CELSR1: variants seen among roughly 807,000 people sequenced by gnomAD.
The protein encoded by CELSR1 is adhesion G protein-coupled receptor C1.
Under a neutral mutation model 249.1 loss-of-function variants are expected in CELSR1, and 110 were observed. The ratio of observed to expected loss-of-function variants is 0.44; its 90% CI spans 0.38 to 0.52. CELSR1 has a LOEUF of 0.52. Among genes scored for constraint, CELSR1 ranks in the 20% least tolerant of loss-of-function variants. The pLI is 0.00. For synonymous variants in CELSR1, 2,113 were observed against 1,900.0 expected (o/e 1.11, Z -2.92); for missense variants, 4,109 against 4,296.4 (o/e 0.96, Z 1.22).
rs751761231 is a variant in CELSR1 at position 46,390,444 on chromosome 22, G to C, written c.6293C>G (p.Pro2098Arg). ...GGTGGTACAGTTAAAGAGCTCTGGG[G>C]GCAGCCAGCCCTTCTCCCCGCTGCA... is the stretch of plus-strand genomic sequence containing the variant. ...RHCSGEKGWL[P>R]PELFNCTTIS... is the part of the protein sequence containing the mutation. Residue 2098 changes from proline to arginine, a missense_variant, in exon 17 of 35, where the codon CCC becomes CGC. Coordinates refer to ENST00000674500, the MANE Select transcript of CELSR1 (RefSeq NM_001378328.1). The surrounding 1 kb of genome is among the most constrained non-coding windows in gnomAD (Gnocchi z 6.3). 2.5e-6 allele frequency: 4 copies of C among 1,613,856 alleles called. No individual in the cohort carries two copies. The East Asian group carries it at 8.9e-5, about 36-fold the overall frequency.
chr22:46,531,351 G>A (rs1271218101), intron 1 of CELSR1, among the ~76,000 whole-genome samples: 5 of 152,116 alleles, frequency 3.3e-5, no homozygotes, highest in Admixed American at 3.3e-4. Context: ...GACTACAGGT[G>A]CTCGCCACCA....
At chr22:46,522,397 C>T (rs2080695336) in intron 1 of CELSR1, among the ~76,000 whole-genome samples, 1 of 152,134 alleles carries the variant, frequency 6.6e-6, no homozygotes, top group African/African-American at 2.4e-5. Context: ...AGGCTGGAGC[C>T]CCCACGCCTG....
At chr22:46,463,487 G>C (rs372588837) in intron 2 of CELSR1, among the ~76,000 whole-genome samples, 1 of 150,632 alleles carries the variant, frequency 6.6e-6, no homozygotes, top group East Asian at 2.0e-4. Flanking sequence ...CTGCACTCAA[G>C]CCTGGACAAT....
At chr22:46,418,959 G>A (rs141747114) in intron 5 of CELSR1, among the ~76,000 whole-genome samples, 193 of 152,342 alleles carry the variant, frequency 1.3e-3, no homozygotes, top group African/African-American at 4.4e-3. Flanking sequence ...AGTCCCCTGG[G>A]CATGCGTGTT....
chr22:46,385,776 C>CA (rs2079026054), intron 19 of CELSR1, among the ~76,000 whole-genome samples: 1 of 150,060 alleles, frequency 6.7e-6, no homozygotes, highest in Non-Finnish European at 1.5e-5. Flanking sequence ...TTCCCGGGTT[C>CA]ACGCCATTCT....
chr22:46,380,718 A>G lies in CELSR1; in HGVS notation c.7256+70T>C. ...GTCCTCTTGGGGCGCTCTGCCACTGAGCCCCCGACCCTGCGGGGGCACTCT... is the reference window on the plus strand; with the variant it reads ...GTCCTCTTGGGGCGCTCTGCCACTGGGCCCCCGACCCTGCGGGGGCACTCT... On this transcript the variant is annotated intron_variant, in intron 22 of 34. Coordinates refer to ENST00000674500, the MANE Select transcript of CELSR1 (RefSeq NM_001378328.1). This position sits in a 1 kb window ranked among gnomAD's most constrained non-coding sequence, Gnocchi z 5.1. 1 of 1,547,114 alleles carries G rather than the reference A, an allele frequency of 6.5e-7. No individual in the cohort carries two copies.
intron 1 of CELSR1, among the ~76,000 whole-genome samples, chr22:46,515,591 A>C (rs949776057): frequency 6.6e-6 from 1 of 152,188 alleles, no homozygotes; most frequent in Non-Finnish European, 1.5e-5. Context: ...GGTGGAGGAC[A>C]CAGCCAATAG....
Position 46,472,625 on chromosome 22 carries a change from C to A in CELSR1, c.3545-8280G>T, listed in dbSNP as rs775909223. 2.6e-5 allele frequency among the ~76,000 whole-genome samples: 4 copies of A among 152,230 alleles called. No homozygotes were observed. Among genetic ancestry groups the A allele is most frequent in the Admixed American group, 6.5e-5 (1 of 15,288 alleles). ...AGCAAGGCATGGGGACGGGTGGCATCAGCTCCCGGGGCCGTCGGAGCAAAG... is the reference window on the plus strand; with the variant it reads ...AGCAAGGCATGGGGACGGGTGGCATAAGCTCCCGGGGCCGTCGGAGCAAAG... On this transcript the variant is annotated intron_variant, in intron 1 of 34. Transcript: ENST00000674500. The surrounding 1 kb of genome is among the most constrained non-coding windows in gnomAD (Gnocchi z 7.0).
At position 46,442,076 on chromosome 22, in the gene CELSR1, C is replaced by G. The variant is rs573417997; in HGVS notation, c.4184-2665G>C. ...GGCAGGAGAATTGCTTAAATCTGGG[C>G]AGCCGAGGTTGCAGTGAGCCAAGAT... On this transcript the variant is annotated intron_variant, in intron 2 of 34. Coordinates refer to ENST00000674500, the MANE Select transcript of CELSR1 (RefSeq NM_001378328.1). Among the ~76,000 whole-genome samples the G allele has an allele frequency of 9.2e-5, 14 of 152,222 alleles. No individual in the cohort carries two copies. In the South Asian group the frequency reaches 2.9e-3, roughly 32 times the overall value.
At position 46,537,463 on chromosome 22, in the gene CELSR1, T is replaced by C. The variant is rs949267491; in HGVS notation, c.-293A>G. Among the ~76,000 whole-genome samples, 6 of 147,390 alleles carry C rather than the reference T, an allele frequency of 4.1e-5. No individual in the cohort carries two copies. Among genetic ancestry groups the C allele is most frequent in the Non-Finnish European group, 7.5e-5 (5 of 66,972 alleles). ...ATCAACCTGCGGCGGCGGCGGCGGC[T>C]CCAGGCGGCTCCAGGTGGCTCCGGC... On this transcript the variant is annotated 5_prime_UTR_variant, in exon 1 of 35. Coordinates refer to ENST00000674500, the MANE Select transcript of CELSR1 (RefSeq NM_001378328.1). This position sits in a 1 kb window ranked among gnomAD's most constrained non-coding sequence, Gnocchi z 5.8.
chr22:46,390,573 T>A lies in CELSR1; in HGVS notation c.6251-87A>T. ...TTTCAATCCACAATCTGAATATACT[T>A]AAACCCAGAACACTGCGTGGTGGTT... On this transcript the variant is annotated intron_variant, in intron 16 of 34. Coordinates refer to ENST00000674500, the MANE Select transcript of CELSR1 (RefSeq NM_001378328.1). This position sits in a 1 kb window ranked among gnomAD's most constrained non-coding sequence, Gnocchi z 6.3. 1 of 1,114,794 alleles carries A rather than the reference T, an allele frequency of 9.0e-7. No individual in the cohort carries two copies. Among genetic ancestry groups the A allele is most frequent in the Non-Finnish European group, 1.3e-6 (1 of 755,384 alleles). 69.1% of individuals were successfully genotyped at this position (1,114,794 alleles called of 1,614,324 possible).
chr22:46,489,287 G>C lies in CELSR1; in HGVS notation c.3545-24942C>G, dbSNP rs572866844. Among the ~76,000 whole-genome samples, 7 of 151,870 alleles carry C rather than the reference G, an allele frequency of 4.6e-5. No homozygotes were observed. In the South Asian group the frequency reaches 1.5e-3, roughly 32 times the overall value. ...GGGGCACCTTCCCCCTGGCTCAGTGGGGCAGGGAGATGCCATGCTCTCTGA... is the reference window on the plus strand; with the variant it reads ...GGGGCACCTTCCCCCTGGCTCAGTGCGGCAGGGAGATGCCATGCTCTCTGA... On this transcript the variant is annotated intron_variant, in intron 1 of 34. Coordinates refer to ENST00000674500, the MANE Select transcript of CELSR1 (RefSeq NM_001378328.1).
intron 1 of CELSR1, among the ~76,000 whole-genome samples, chr22:46,465,375 G>A (rs2080085394): frequency 6.6e-6 from 1 of 151,980 alleles, no homozygotes. Flanking sequence ...TTTCCATGGA[G>A]CGTGGGGCCC....
chr22:46,402,149 C>T lies in CELSR1; in HGVS notation c.5227-2247G>A, dbSNP rs948703779. Reference sequence around the variant, plus strand: ...AAGTGCTCTGGGAGGGAAAGTGCTCCTAGTGGTTGCCAGAAGCAAACATGG... The same window carrying T: ...AAGTGCTCTGGGAGGGAAAGTGCTCTTAGTGGTTGCCAGAAGCAAACATGG... On this transcript the variant is annotated intron_variant, in intron 9 of 34. Coordinates refer to ENST00000674500, the MANE Select transcript of CELSR1 (RefSeq NM_001378328.1). The surrounding 1 kb of genome is among the most constrained non-coding windows in gnomAD (Gnocchi z 5.0). 6.6e-6 allele frequency among the ~76,000 whole-genome samples: 1 copy of T among 152,094 alleles called. No homozygotes were observed. The highest frequency in any genetic ancestry group is 2.4e-5 in the African/African-American group (1 of 41,438).
chr22:46,435,978 CG>C (rs1290060046), intron 4 of CELSR1, among the ~76,000 whole-genome samples, 195 bp downstream of exon 4: 3 of 152,194 alleles, frequency 2.0e-5, no homozygotes, highest in African/African-American at 7.2e-5. Context: ...GGATTACAGG[CG>C]TGAGCCACCA....
At position 46,374,784 on chromosome 22, in the gene CELSR1, A is replaced by G. The variant is rs2078899664; in HGVS notation, c.7585-1727T>C. Among the ~76,000 whole-genome samples the G allele has an allele frequency of 6.6e-6, 1 of 152,256 alleles. No homozygotes were observed. The highest frequency in any genetic ancestry group is 2.4e-5 in the African/African-American group (1 of 41,504). The stretch of plus-strand genomic sequence containing the variant: ...AGAGCCTTCCCAGACCAATGCGCGG[A>G]TGAGAACGTGCCCATTGCGGGGATG... On this transcript the variant is annotated intron_variant, in intron 24 of 34. Coordinates refer to ENST00000674500, the MANE Select transcript of CELSR1 (RefSeq NM_001378328.1). The surrounding 1 kb of genome is among the most constrained non-coding windows in gnomAD (Gnocchi z 4.3).
chr22:46,493,532 C>G (rs958014824), intron 1 of CELSR1, among the ~76,000 whole-genome samples: 2 of 134,930 alleles, frequency 1.5e-5, no homozygotes, highest in Non-Finnish European at 3.1e-5. Flanking sequence ...GGTGACAGAA[C>G]GAGACTCCGT....
In CELSR1 at chr22:46,428,445, C is replaced by T. The variant is rs980605336; in HGVS notation, c.4611+4948G>A. ...ACGTAGAGGCTGCTGCCTCAAGCTC[C>T]GGCCCAGGGTCTCGCATCTCCACCT... On this transcript the variant is annotated intron_variant, in intron 5 of 34. Coordinates refer to ENST00000674500, the MANE Select transcript of CELSR1 (RefSeq NM_001378328.1). The surrounding 1 kb of genome is among the most constrained non-coding windows in gnomAD (Gnocchi z 5.7). Among the ~76,000 whole-genome samples the T allele has an allele frequency of 8.5e-5, 13 of 152,352 alleles. No individual in the cohort carries two copies. Among genetic ancestry groups the T allele is most frequent in the African/African-American group, 2.9e-4 (12 of 41,584 alleles).
Position 46,367,066 on chromosome 22 carries a change from T to C in CELSR1, c.8132A>G (p.His2711Arg). The change falls in exon 29 of 35, where the codon CAC becomes CGC. Residue 2711 changes from histidine to arginine, a missense_variant. Around this residue, in one of 7 missense-constraint regions of CELSR1, gnomAD observed 1,805 missense variants for 1,831.6 expected, o/e 0.99. Transcript: ENST00000674500. ...HCVLNQEVRKHLKGVLGGRKL... is the reference protein window; with the variant it reads ...HCVLNQEVRKRLKGVLGGRKL... ...CCTCCCGCCGAGCACGCCCTTCAGG[T>C]GCTTCCGGACCTCCTGGTTGAGCAC... 6.2e-7 allele frequency: 1 copy of C among 1,611,490 alleles called. No homozygotes were observed. Among genetic ancestry groups the C allele is most frequent in the Non-Finnish European group, 8.5e-7 (1 of 1,179,690 alleles).
Sources: gnomAD v4.1 joint callset for allele counts (sites outside exome capture counted in the v4.1 genomes callset) on GRCh38, gnomAD v4.1.1 for gene constraint, gnomAD v4.1.1 regional missense constraint, Gnocchi (gnomAD v3.1) non-coding constraint, MANE v1.5 for transcripts, NCBI Gene and HGNC (gene_info 2026-07-23, HGNC 2026-07-21) for gene names.